Variants in GDPD4 observed in about 807,000 individuals in gnomAD.
GDPD4 encodes glycerophosphodiester phosphodiesterase 6.
In GDPD4, 60 loss-of-function variants were observed where a neutral mutation model predicts 67.8. The observed-to-expected ratio is 0.88, with a 90% confidence interval of 0.72 to 1.10. The LOEUF is 1.10. Among genes scored for constraint, GDPD4 ranks in the 50% least tolerant of loss-of-function variants. GDPD4 has a pLI of 0.00. For missense variants in GDPD4, 623 were observed against 613.9 expected, an observed-to-expected ratio of 1.01 and a Z score of -0.16; for synonymous variants, 212 against 210.9, an observed-to-expected ratio of 1.00 and a Z score of -0.04.
intron 1 of GDPD4, among the ~76,000 whole-genome samples, chr11:77,295,734 A>C (rs1478279167): frequency 6.6e-6 from 1 of 152,330 alleles, no homozygotes; most frequent in East Asian, 1.9e-4. Flanking sequence ...TAACACCAAA[A>C]GCATGATCCA....
intron 3 of GDPD4, among the ~76,000 whole-genome samples, chr11:77,283,208 G>A (rs1194589041): frequency 6.6e-6 from 1 of 152,320 alleles, no homozygotes; most frequent in Non-Finnish European, 1.5e-5. Flanking sequence ...CCGGTGGTCA[G>A]TGCAAAAGCC....
chr11:77,229,756 T>C (rs997376967), intron 14 of GDPD4, among the ~76,000 whole-genome samples: 3 of 152,210 alleles, frequency 2.0e-5, no homozygotes, highest in South Asian at 2.1e-4. Context: ...TTGGGAACCA[T>C]TGTTCTAAAG....
intron 2 of GDPD4, among the ~76,000 whole-genome samples, chr11:77,286,118 C>T (rs553456255): frequency 6.2e-4 from 94 of 152,156 alleles, no homozygotes; most frequent in African/African-American, 2.2e-3. Flanking sequence ...ACATTCATAT[C>T]CTCTCCTTCA....
chr11:77,298,428 C>T (rs575050274), intron 1 of GDPD4, among the ~76,000 whole-genome samples: 4 of 152,344 alleles, frequency 2.6e-5, no homozygotes, highest in Non-Finnish European at 5.9e-5. Context: ...ATGAAAATTG[C>T]TTGAACCCGG....
intron 12 of GDPD4, among the ~76,000 whole-genome samples, chr11:77,244,223 T>C (rs1958735160): frequency 6.6e-6 from 1 of 152,134 alleles, no homozygotes; most frequent in Non-Finnish European, 1.5e-5. Context: ...TTAGTAGAGA[T>C]GGTGTTCCAC....
intron 11 of GDPD4, among the ~76,000 whole-genome samples, chr11:77,257,762 C>T (rs2135858230): frequency 6.6e-6 from 1 of 152,302 alleles, no homozygotes; most frequent in Admixed American, 6.5e-5. Flanking sequence ...CACTGCACAG[C>T]ACGTGCTTTA....
intron 13 of GDPD4, among the ~76,000 whole-genome samples, chr11:77,237,927 T>TA (rs1182136284): frequency 6.6e-6 from 1 of 151,834 alleles, no homozygotes; most frequent in African/African-American, 2.4e-5. Context: ...TCTCAAAAAA[T>TA]AAAAAACAAA....
intron 4 of GDPD4, among the ~76,000 whole-genome samples, 183 bp downstream of exon 4, chr11:77,279,123 C>T (rs545476931): frequency 1.8e-4 from 27 of 152,314 alleles, no homozygotes; most frequent in African/African-American, 5.8e-4. Flanking sequence ...CCTTCCACGT[C>T]CTTCCACGTC....
At chr11:77,267,970 C>T (rs1028171645) in intron 10 of GDPD4, among the ~76,000 whole-genome samples, 2 of 151,998 alleles carry the variant, frequency 1.3e-5, no homozygotes, top group Non-Finnish European at 2.9e-5. Context: ...GGTTCCATTA[C>T]ACTTATTTTT....
rs370938707 is a variant in GDPD4, at chr11:77,243,290, G to A, written c.1241+404C>T. 7.2e-5 allele frequency among the ~76,000 whole-genome samples: 11 copies of A among 152,104 alleles called. No individual in the cohort carries two copies. The East Asian group carries it at 1.7e-3, about 24-fold the overall frequency. On this transcript the variant is annotated intron_variant, in intron 13 of 16. Coordinates refer to ENST00000315938, the MANE Select transcript of GDPD4 (RefSeq NM_182833.3). Reference sequence around the variant, plus strand: ...CTTAATTATCCGTTCCAGAAATATGGCTATCTGGATCACAAAGCCATTTAC... The same window carrying A: ...CTTAATTATCCGTTCCAGAAATATGACTATCTGGATCACAAAGCCATTTAC...
chr11:77,275,292 G>T (rs1403767120), intron 5 of GDPD4, among the ~76,000 whole-genome samples: 1 of 152,204 alleles, frequency 6.6e-6, no homozygotes, highest in African/African-American at 2.4e-5. Flanking sequence ...AACAAAACAA[G>T]GATGCTATAT....
At chr11:77,294,419 T>C (rs962693870) in intron 1 of GDPD4, among the ~76,000 whole-genome samples, 1 of 152,192 alleles carries the variant, frequency 6.6e-6, no homozygotes, top group South Asian at 2.1e-4. Flanking sequence ...TAACAAAATA[T>C]GTGCAGGATC....
intron 1 of GDPD4, among the ~76,000 whole-genome samples, chr11:77,299,338 C>T (rs1288488734): frequency 6.6e-6 from 1 of 152,202 alleles, no homozygotes; most frequent in Non-Finnish European, 1.5e-5. Flanking sequence ...ATTCCTTGCT[C>T]AAATGTCACC....
At chr11:77,267,608 T>G (rs369902864) in intron 10 of GDPD4, among the ~76,000 whole-genome samples, 32 of 152,370 alleles carry the variant, frequency 2.1e-4, no homozygotes, top group African/African-American at 7.7e-4. Flanking sequence ...CAGTGACATA[T>G]CTACACATGT....
chr11:77,263,726 C>G (rs1959162805), intron 10 of GDPD4, among the ~76,000 whole-genome samples: 1 of 152,154 alleles, frequency 6.6e-6, no homozygotes, highest in Admixed American at 6.6e-5. Context: ...CTCAGGTTCT[C>G]ATATGGCTTG....
At chr11:77,272,886 A>G (rs1041048903) in intron 5 of GDPD4, among the ~76,000 whole-genome samples, 19 of 152,104 alleles carry the variant, frequency 1.2e-4, no homozygotes, top group African/African-American at 4.6e-4. Context: ...TGGACTTAAA[A>G]TGTAAGGTGT....
intron 1 of GDPD4, among the ~76,000 whole-genome samples, chr11:77,297,067 A>AC (rs895924672): frequency 6.6e-6 from 1 of 151,452 alleles, no homozygotes; most frequent in Admixed American, 6.6e-5. Flanking sequence ...AAACAAAAAA[A>AC]AAAAAACAAA....
chr11:77,285,330 T>C, intron 2 of GDPD4, 143 bp from the exon 3 acceptor site: 1 of 578,966 alleles, frequency 1.7e-6, no homozygotes, highest in South Asian at 2.2e-5. Flanking sequence ...CTCTTCTTTT[T>C]ACCCCTACCA....
intron 11 of GDPD4, among the ~76,000 whole-genome samples, chr11:77,254,924 A>G (rs1329484290): frequency 6.6e-6 from 1 of 152,198 alleles, no homozygotes; most frequent in African/African-American, 2.4e-5. Context: ...TTCACTATGG[A>G]AAAAACTACC....
Sources: allele counts gnomAD v4.1 joint callset (sites outside exome capture counted in the v4.1 genomes callset), GRCh38; gene constraint gnomAD v4.1.1; transcripts MANE v1.5; gene names NCBI Gene and HGNC (gene_info 2026-07-23, HGNC 2026-07-21).